The following SMAD6 variants were observed in gnomAD, a reference collection of about 807,000 sequenced individuals.
SMAD6 encodes MAD homolog 6.
In SMAD6, 103 loss-of-function variants were observed where a neutral mutation model predicts 39.4. That is an observed-to-expected ratio of 2.62 (90% CI 2.23 to 3.08). The LOEUF is 3.08. Among genes scored for constraint, SMAD6 ranks in the 30% most tolerant of loss-of-function variants. The pLI, the probability that SMAD6 is intolerant of heterozygous loss-of-function variation, is 0.00. For missense variants in SMAD6, 1,104 were observed against 742.9 expected (o/e 1.49, Z -5.65); for synonymous variants, 445 against 353.3 (o/e 1.26, Z -2.91).
chr15:66,719,768 G>A (rs1021283811), intron 3 of SMAD6, among the ~76,000 whole-genome samples: 4 of 152,250 alleles, frequency 2.6e-5, no homozygotes, highest in African/African-American at 9.6e-5. Context: ...GGGGCCGCAG[G>A]AAAGGAGACG....
In SMAD6 at chr15:66,703,419, G is replaced by T; in HGVS notation, c.161G>T (p.Gly54Val). ...GCCCCGCGGGCAAGAGAGGGCGGAG[G>T]CTGCGGCCGCTCCGAAGTCCGCCCG... ...EPAPRAREGG[G>V]CGRSEVRPVA... Residue 54 changes from glycine (G) to valine (V), a missense_variant, in exon 1 of 4, where the codon GGC (glycine) becomes GTC (valine). Transcript: ENST00000288840. 7.6e-7 allele frequency: 1 copy of T among 1,314,324 alleles called. No individual in the cohort carries two copies. The highest frequency in any genetic ancestry group is 9.7e-7 in the Non-Finnish European group (1 of 1,029,878). 81.4% of individuals were successfully genotyped at this position (1,314,324 alleles called of 1,614,324 possible). A position where few individuals can be genotyped will look rare whatever the true frequency, so the allele number is the denominator to read the frequency against.
chr15:66,739,086 CTTCT>C (rs1313669945), intron 3 of SMAD6, among the ~76,000 whole-genome samples: 2 of 85,834 alleles, frequency 2.3e-5, no homozygotes, highest in African/African-American at 4.2e-5. Flanking sequence ...TCTTTTTCTT[CTTCT>C]TTTTTTTTTT....
intron 3 of SMAD6, among the ~76,000 whole-genome samples, chr15:66,728,618 G>A (rs934509421): frequency 1.3e-5 from 2 of 152,162 alleles, no homozygotes; most frequent in African/African-American, 2.4e-5. Context: ...TGTTGGTCAG[G>A]CTGGTCTCGA....
At chr15:66,729,908 G>A (rs576929242) in intron 3 of SMAD6, among the ~76,000 whole-genome samples, 7 of 152,178 alleles carry the variant, frequency 4.6e-5, no homozygotes, top group Admixed American at 1.3e-4. Context: ...GCCTGGGCCC[G>A]CAGAAGGGGC....
At position 66,781,175 on chromosome 15, in the gene SMAD6, C is replaced by T; in HGVS notation, c.1131C>T (p.Ser377=). ...CLGQLNLEQR[S]ESVRRTRSKI... ...GCCAGCTCAACCTGGAGCAGCGCAG[C>T]GAGTCGGTGCGGCGAACGCGCAGCA... Residue 377 remains serine (S), a synonymous_variant, in exon 4 of 4, where the codon AGC becomes AGT. Coordinates refer to ENST00000288840, the MANE Select transcript of SMAD6 (RefSeq NM_005585.5). 1 of 1,607,614 alleles carries T rather than the reference C, an allele frequency of 6.2e-7. No individual in the cohort carries two copies. Among genetic ancestry groups the T allele is most frequent in the South Asian group, 1.1e-5 (1 of 91,036 alleles).
intron 3 of SMAD6, among the ~76,000 whole-genome samples, chr15:66,727,251 C>T (rs1031129087): frequency 1.3e-5 from 2 of 151,980 alleles, no homozygotes; most frequent in Non-Finnish European, 2.9e-5. Flanking sequence ...TACAAGCGTG[C>T]GCCACCATGC....
intron 1 of SMAD6, chr15:66,704,434 C>A (rs1443429437): frequency 5.1e-6 from 1 of 195,426 alleles, no homozygotes; most frequent in Non-Finnish European, 1.0e-5. Flanking sequence ...ACCTCAATTC[C>A]GGAATCTACC....
intron 1 of SMAD6, chr15:66,707,110 G>A (rs751533460): frequency 6.6e-6 from 1 of 152,188 alleles, no homozygotes; most frequent in East Asian, 1.9e-4. Context: ...CCCCTTGGGT[G>A]TCTTTCTGTC....
chr15:66,711,348 A>C (rs1478693204), intron 1 of SMAD6, among the ~76,000 whole-genome samples: 2 of 152,202 alleles, frequency 1.3e-5, no homozygotes, highest in East Asian at 1.9e-4. Context: ...TTTTACATAC[A>C]TTATCCCAGC....
intron 3 of SMAD6, among the ~76,000 whole-genome samples, chr15:66,728,478 C>T (rs1362609578): frequency 6.6e-6 from 1 of 151,908 alleles, no homozygotes; most frequent in East Asian, 1.9e-4. Flanking sequence ...GTGATCTCGG[C>T]TCACTGCAAC....
chr15:66,709,645 G>C (rs1263455824), intron 1 of SMAD6, among the ~76,000 whole-genome samples: 1 of 152,194 alleles, frequency 6.6e-6, no homozygotes, highest in Non-Finnish European at 1.5e-5. Context: ...TAACCCTAAG[G>C]AATTGCAGGC....
At chr15:66,768,373 C>G (rs1466360864) in intron 3 of SMAD6, among the ~76,000 whole-genome samples, 2 of 152,126 alleles carry the variant, frequency 1.3e-5, no homozygotes, top group East Asian at 3.8e-4. Context: ...AGATATGAAG[C>G]TTACGTTTGA....
At position 66,703,528 on chromosome 15, in the gene SMAD6, G is replaced by A; in HGVS notation, c.270G>A (p.Pro90=). Residue 90 remains proline (P), a synonymous_variant, in exon 1 of 4, where the codon CCG becomes CCA. Transcript: ENST00000288840. ...GGCGCCGGCGCGCAGGGGGCCCCCC[G>A]AGGCCCATGTCGGAGCCAGGGGCCG... ...AGRRRRAGGP[P]RPMSEPGAGA... 2 of 1,222,142 alleles carry A rather than the reference G, an allele frequency of 1.6e-6. No individual in the cohort carries two copies. The highest frequency in any genetic ancestry group is 2.0e-6 in the Non-Finnish European group (2 of 979,416). The allele number at this position is 1,222,142 out of a possible 1,614,324, so 75.7% of individuals were successfully genotyped here.
At chr15:66,748,328 A>G (rs1263789646) in intron 3 of SMAD6, among the ~76,000 whole-genome samples, 1 of 152,176 alleles carries the variant, frequency 6.6e-6, no homozygotes, top group Non-Finnish European at 1.5e-5. Flanking sequence ...TGTGGAAAAT[A>G]TAATGCTAAA....
chr15:66,778,828 G>A (rs1894510477), intron 3 of SMAD6, among the ~76,000 whole-genome samples: 1 of 152,248 alleles, frequency 6.6e-6, no homozygotes, highest in South Asian at 2.1e-4. Flanking sequence ...TGGGCTGCTA[G>A]TAGAGGTGAG....
intron 3 of SMAD6, among the ~76,000 whole-genome samples, chr15:66,778,223 G>C (rs1203384325): frequency 6.6e-6 from 1 of 152,016 alleles, no homozygotes; most frequent in Non-Finnish European, 1.5e-5. Context: ...TGGGACTACA[G>C]ATGTACACCA....
chr15:66,781,077 C>G lies in SMAD6; in HGVS notation c.1033C>G (p.Arg345Gly). The G allele has an allele frequency of 1.2e-6, 2 of 1,606,322 alleles. No individual in the cohort carries two copies. The highest frequency in any genetic ancestry group is 1.7e-4 in the Middle Eastern group (1 of 6,060). ...CTGGGAGCACCGGACGCGCGTGGGC[C>G]GCCTCTATGCGGTGTACGACCAGGC... ...AYWEHRTRVG[R>G]LYAVYDQAVS... Residue 345 changes from arginine to glycine, a missense_variant, in exon 4 of 4, where the codon CGC (arginine) becomes GGC (glycine). Transcript: ENST00000288840.
intron 3 of SMAD6, among the ~76,000 whole-genome samples, chr15:66,726,495 G>A (rs1005643034): frequency 1.3e-5 from 2 of 152,206 alleles, no homozygotes; most frequent in African/African-American, 4.8e-5. Flanking sequence ...GACTGAGAGG[G>A]AAGCCGAGGA....
intron 3 of SMAD6, among the ~76,000 whole-genome samples, chr15:66,737,915 G>A (rs900345579): frequency 6.6e-6 from 1 of 152,172 alleles, no homozygotes; most frequent in African/African-American, 2.4e-5. Context: ...GGGTTGGGAG[G>A]AGGAGAAGGG....
Sources: allele counts gnomAD v4.1 joint callset (sites outside exome capture counted in the v4.1 genomes callset), GRCh38; gene constraint gnomAD v4.1.1; transcripts MANE v1.5; gene names NCBI Gene and HGNC (gene_info 2026-07-23, HGNC 2026-07-21).